The following IFT122 variants were observed in gnomAD, a reference collection of about 807,000 sequenced individuals.
IFT122 encodes the protein intraflagellar transport 122, also known as intraflagellar transport protein 122 homolog.
IFT122 carries 118 observed loss-of-function variants against 161.6 expected under a neutral mutation model. That is an observed-to-expected ratio of 0.73 (90% confidence interval 0.63 to 0.85). The LOEUF (loss-of-function observed/expected upper bound fraction) is 0.85. Ranked by LOEUF, IFT122 falls within the 40% of genes least tolerant of loss-of-function variation. The pLI, the probability that IFT122 is intolerant of heterozygous loss-of-function variation, is 0.00. For synonymous variants in IFT122, 550 were observed against 602.4 expected, an observed-to-expected ratio of 0.91 and a Z score of 1.27; for missense variants, 1,381 against 1,579.6, an observed-to-expected ratio of 0.87 and a Z score of 2.13.
chr3:129,481,771 G>GA, intron 14 of IFT122, 77 bp downstream of exon 14: 2 of 1,513,508 alleles, frequency 1.3e-6, no homozygotes, highest in Non-Finnish European at 1.8e-6. Flanking sequence ...CCCTGCAGGA[G>GA]GCTCTCCTGC....
chr3:129,520,253 C>T lies in IFT122; in HGVS notation c.3714C>T (p.Asp1238=), dbSNP rs1349343659. The T allele has an allele frequency of 6.2e-7, 1 of 1,609,306 alleles. No individual in the cohort carries two copies. The highest frequency in any genetic ancestry group is 8.5e-7 in the Non-Finnish European group (1 of 1,179,630). Residue 1238 remains aspartate (D), a synonymous_variant, in exon 30 of 30, where the codon GAC becomes GAT. Transcript: ENST00000348417. ...CCPYCRRCKD[D]PGP is the part of the protein sequence containing the mutation. ...CCTACTGCCGCAGGTGCAAGGATGA[C>T]CCTGGCCCATGACCAGCATCCTGGG... is the stretch of plus-strand genomic sequence containing the variant.
chr3:129,507,866 C>A, intron 23 of IFT122, 104 bp downstream of exon 23: 1 of 868,558 alleles, frequency 1.2e-6, no homozygotes, highest in Non-Finnish European at 1.9e-6. Flanking sequence ...ACCCACTGGT[C>A]ACAGTGAACT....
At chr3:129,510,634 C>T (rs2082718180) in intron 23 of IFT122, among the ~76,000 whole-genome samples, 1 of 152,180 alleles carries the variant, frequency 6.6e-6, no homozygotes, top group Non-Finnish European at 1.5e-5. Flanking sequence ...TCTCGCTGCT[C>T]CCTGTCCTCT....
At chr3:129,444,753 C>A (rs1231170001) in intron 1 of IFT122, among the ~76,000 whole-genome samples, 1 of 152,144 alleles carries the variant, frequency 6.6e-6, no homozygotes, top group African/African-American at 2.4e-5. Context: ...ATCTCTTGAC[C>A]TCGTGATCTG....
chr3:129,488,224 G>C, intron 15 of IFT122, 33 bp from the exon 16 acceptor site: 1 of 1,612,868 alleles, frequency 6.2e-7, no homozygotes, highest in South Asian at 1.1e-5. Flanking sequence ...TCTGAAAACA[G>C]TCTTCTTTTT....
chr3:129,484,334 A>T (rs567387031), intron 15 of IFT122, among the ~76,000 whole-genome samples: 1 of 152,244 alleles, frequency 6.6e-6, no homozygotes, highest in East Asian at 1.9e-4. Flanking sequence ...CATAAAACAG[A>T]GACGTGCATA....
intron 5 of IFT122, among the ~76,000 whole-genome samples, chr3:129,462,545 A>G (rs539562123): frequency 1.3e-5 from 2 of 152,236 alleles, no homozygotes; most frequent in Non-Finnish European, 2.9e-5. Flanking sequence ...GCACTGCTGA[A>G]GGAGGCCCAG....
intron 1 of IFT122, among the ~76,000 whole-genome samples, chr3:129,441,541 G>A (rs141142359): frequency 1.6e-4 from 24 of 152,324 alleles, no homozygotes; most frequent in African/African-American, 2.6e-4. Context: ...CACACAGTGA[G>A]GGGTGGAACC....
chr3:129,490,910 C>A (rs1476200005), intron 16 of IFT122, among the ~76,000 whole-genome samples: 1 of 152,224 alleles, frequency 6.6e-6, no homozygotes, highest in Non-Finnish European at 1.5e-5. Context: ...TCTGATGCCT[C>A]CCTTAACGCT....
chr3:129,501,386 T>G (rs1022728393), intron 19 of IFT122, among the ~76,000 whole-genome samples: 1 of 152,142 alleles, frequency 6.6e-6, no homozygotes, highest in Admixed American at 6.5e-5. Context: ...TTAAATTGTT[T>G]CCTTGGGTGC....
chr3:129,508,808 C>T (rs1019815035), intron 23 of IFT122, among the ~76,000 whole-genome samples: 3 of 151,940 alleles, frequency 2.0e-5, no homozygotes, highest in Non-Finnish European at 4.4e-5. Flanking sequence ...GTGAATATTG[C>T]GATGAGGCAA....
intron 17 of IFT122, among the ~76,000 whole-genome samples, chr3:129,494,941 T>G (rs550905681): frequency 6.6e-6 from 1 of 152,188 alleles, no homozygotes; most frequent in Non-Finnish European, 1.5e-5. Context: ...CTAGTGGATG[T>G]TCAGCATGCG....
chr3:129,453,072 G>T (rs1219776399), intron 3 of IFT122, among the ~76,000 whole-genome samples: 3 of 152,170 alleles, frequency 2.0e-5, no homozygotes, highest in Non-Finnish European at 4.4e-5. Flanking sequence ...TTGAAGATCA[G>T]AAATTCAGTT....
rs1172409472 is a variant in IFT122, at chr3:129,517,474, C to G, written c.3271C>G (p.Leu1091Val). ...CCTTTCTCTATGCCCTCCAGACGTG[C>G]TACACCTGGTTGAGTTCTACCTGGA... ...FIFSASSYDV[L>V]HLVEFYLEEG... Residue 1091 changes from leucine to valine, a missense_variant, in exon 27 of 30, where the codon CTA (leucine) becomes GTA (valine). Physicochemically the swap from Leu to Val is conservative, Grantham distance 32 (BLOSUM62 1). This residue lies in a region of IFT122 where 177 missense variants were observed against 199.2 expected (regional missense o/e 0.89). Coordinates refer to ENST00000348417, the MANE Select transcript of IFT122 (RefSeq NM_052989.3). 4 of 1,613,690 alleles carry G rather than the reference C, an allele frequency of 2.5e-6. No individual in the cohort carries two copies. The highest frequency in any genetic ancestry group is 2.5e-6 in the Non-Finnish European group (3 of 1,179,730).
chr3:129,482,647 G>C (rs976501718), intron 14 of IFT122, among the ~76,000 whole-genome samples: 4 of 152,174 alleles, frequency 2.6e-5, no homozygotes, highest in African/African-American at 9.7e-5. Context: ...CCTTGAGAGA[G>C]TAGAATGGTT....
chr3:129,503,025 T>C (rs2081766809), intron 20 of IFT122, 143 bp downstream of exon 20: 1 of 716,632 alleles, frequency 1.4e-6, no homozygotes, highest in African/African-American at 1.8e-5. Context: ...GTCAGGTAAC[T>C]TAACCTCGAA....
chr3:129,499,704 C>G (rs1385701492), intron 18 of IFT122, among the ~76,000 whole-genome samples, 198 bp from the exon 19 acceptor site: 1 of 152,196 alleles, frequency 6.6e-6, no homozygotes, highest in Non-Finnish European at 1.5e-5. Context: ...CCCCCAGGAA[C>G]ACCTGCAGGG....
In IFT122 at chr3:129,479,887, A is replaced by G. The variant is rs770122719; in HGVS notation, c.1453A>G (p.Arg485Gly). The change falls in exon 13 of 30, where the codon AGA becomes GGA. Residue 485 changes from arginine (R) to glycine (G), a missense_variant. Arg to Gly is a moderately radical substitution (Grantham distance 125). Around this residue, in one of 7 missense-constraint regions of IFT122, gnomAD observed 544 missense variants for 648.0 expected, o/e 0.84. Coordinates refer to ENST00000348417, the MANE Select transcript of IFT122 (RefSeq NM_052989.3). ...YIKVIGGPPG[R>G]EGLLVGLKNG... ...CAAGGTGATCGGTGGCCCTCCTGGA[A>G]GAGAAGGCCTCTTAGTGGGGCTGAA... The G allele has an allele frequency of 1.9e-6, 3 of 1,613,978 alleles. No individual in the cohort carries two copies. The highest frequency in any genetic ancestry group is 2.2e-5 in the South Asian group (2 of 91,064).
Position 129,481,709 on chromosome 3 carries a change from G to A in IFT122, c.1653+15G>A, listed in dbSNP as rs2108329819. The A allele has an allele frequency of 6.2e-7, 1 of 1,613,386 alleles. No individual in the cohort carries two copies. Among genetic ancestry groups the A allele is most frequent in the African/African-American group, 1.3e-5 (1 of 75,038 alleles). The stretch of plus-strand genomic sequence containing the variant: ...TGCTTTTTCAGGTGAAGTCCCTGAG[G>A]GGGCCCAGGGACATCATCCTTTGAT... On this transcript the variant is annotated intron_variant, in intron 14 of 29. Transcript: ENST00000348417.
Sources: gnomAD v4.1 joint callset for allele counts (sites outside exome capture counted in the v4.1 genomes callset) on GRCh38, gnomAD v4.1.1 for gene constraint, gnomAD v4.1.1 regional missense constraint, MANE v1.5 for transcripts, NCBI Gene and HGNC (gene_info 2026-07-23, HGNC 2026-07-21) for gene names.